DPP6: variants seen among roughly 807,000 people sequenced by gnomAD.
DPP6 encodes dipeptidyl peptidase like 6.
DPP6 carries 69 observed loss-of-function variants against 122.6 expected under a neutral mutation model. That is an observed-to-expected ratio of 0.56 (90% CI 0.46 to 0.69). The LOEUF is 0.69. Ranked by LOEUF, DPP6 falls within the 30% of genes least tolerant of loss-of-function variation. DPP6 has a pLI of 0.00. For missense variants in DPP6, 928 were observed against 1,116.9 expected (o/e 0.83, Z 2.41); for synonymous variants, 418 against 433.1 (o/e 0.97, Z 0.43).
At chr7:154,720,273 G>T (rs1314564136) in intron 7 of DPP6, among the ~76,000 whole-genome samples, 1 of 152,208 alleles carries the variant, frequency 6.6e-6, no homozygotes, top group Non-Finnish European at 1.5e-5. Flanking sequence ...TCCAGGCAGG[G>T]CGCCAGGGCA....
At chr7:154,046,921 T>C (rs1399603153) in intron 1 of DPP6, among the ~76,000 whole-genome samples, 2 of 152,122 alleles carry the variant, frequency 1.3e-5, no homozygotes, top group Non-Finnish European at 2.9e-5. Context: ...AGTTTTCCAC[T>C]CTCTGTAACT....
intron 1 of DPP6, among the ~76,000 whole-genome samples, chr7:154,274,798 A>G (rs1804020442): frequency 6.6e-6 from 1 of 152,236 alleles, no homozygotes; most frequent in Non-Finnish European, 1.5e-5. Context: ...TTTTAGACCT[A>G]GCAAGTTCTG....
chr7:154,166,075 A>G (rs148449622), intron 1 of DPP6, among the ~76,000 whole-genome samples: 11,267 of 152,220 alleles, frequency 0.074, 429 homozygotes, highest in African/African-American at 0.085. Context: ...ATATTCTTCA[A>G]TAGTTTAAAG....
intron 1 of DPP6, among the ~76,000 whole-genome samples, chr7:154,197,261 G>A (rs1163711846): frequency 2.6e-5 from 4 of 151,748 alleles, no homozygotes; most frequent in Admixed American, 1.3e-4. Flanking sequence ...TAAATACAGA[G>A]AGTGATGATT....
intron 16 of DPP6, among the ~76,000 whole-genome samples, chr7:154,841,347 C>G (rs1801525857): frequency 6.9e-6 from 1 of 145,386 alleles, no homozygotes; most frequent in Non-Finnish European, 1.5e-5. Context: ...GTAGCCTTTG[C>G]CCCCCTGTAG....
intron 8 of DPP6, among the ~76,000 whole-genome samples, chr7:154,756,661 C>T (rs974777910): frequency 3.3e-5 from 5 of 152,120 alleles, no homozygotes; most frequent in Admixed American, 2.0e-4. Context: ...GTGTTCCCAC[C>T]ACTTCCTAAT....
chr7:153,770,794 T>C, the DPP6 span, among the ~76,000 whole-genome samples: 1 of 152,134 alleles, frequency 6.6e-6, no homozygotes, highest in Non-Finnish European at 1.5e-5. Context: ...CAGGAATCAA[T>C]GGAAATGCTA....
intron 8 of DPP6, among the ~76,000 whole-genome samples, chr7:154,728,500 A>T (rs1842179526): frequency 6.6e-6 from 1 of 152,208 alleles, no homozygotes; most frequent in Non-Finnish European, 1.5e-5. Context: ...ACCTGTCTCC[A>T]TGCTCATGAC....
intron 1 of DPP6, among the ~76,000 whole-genome samples, chr7:153,891,610 T>C (rs1020620352): frequency 2.0e-5 from 3 of 152,212 alleles, no homozygotes; most frequent in African/African-American, 7.2e-5. Flanking sequence ...GTATATACTC[T>C]TGCAATAGGT....
In DPP6 at chr7:153,920,563, C is replaced by CTTTTTT. The variant is rs61553100; in HGVS notation, c.51+32841_51+32846dup. 1.3e-3 allele frequency among the ~76,000 whole-genome samples: 113 copies of CTTTTTT among 88,674 alleles called. 10 individuals carry two copies. The highest frequency in any genetic ancestry group is 3.3e-3 in the East Asian group (10 of 2,992). The allele number at this position is 88,674 out of a possible 152,430, so 58.2% of individuals were successfully genotyped here. A position where few individuals can be genotyped will look rare whatever the true frequency, so the allele number is the denominator to read the frequency against. On this transcript the variant is annotated intron_variant, in intron 1 of 25. Coordinates refer to the DPP6 transcript ENST00000404039. ...GTCAACCTTTTTCTTTTATCTCTCTCTTTTTTTTTTTTTTTTTGAGATGGA... is the reference window on the plus strand; with the variant it reads ...GTCAACCTTTTTCTTTTATCTCTCTCTTTTTTTTTTTTTTTTTTTTTTTGAGATGGA...
At chr7:154,447,310 A>G (rs1306118300) in intron 2 of DPP6, among the ~76,000 whole-genome samples, 1 of 152,176 alleles carries the variant, frequency 6.6e-6, no homozygotes, top group African/African-American at 2.4e-5. Flanking sequence ...CAACTAAAAA[A>G]TAATAATGAT....
At position 154,103,492 on chromosome 7, in the gene DPP6, CT is replaced by C. The variant is rs1213180218; in HGVS notation, c.243+50430del. On this transcript the variant is annotated intron_variant, in intron 1 of 25. Coordinates refer to ENST00000377770, the MANE Select transcript of DPP6 (RefSeq NM_130797.4). Reference sequence around the variant, plus strand: ...CAGGGCACCACTGGCCAGCTCCCCCCTCTCCAATTTTTCTTCTGTTGCCGTG... The same window carrying C: ...CAGGGCACCACTGGCCAGCTCCCCCCCTCCAATTTTTCTTCTGTTGCCGTG... Among the ~76,000 whole-genome samples the C allele has an allele frequency of 2.6e-5, 4 of 152,196 alleles. No individual in the cohort carries two copies. The South Asian group carries it at 6.2e-4, about 24-fold the overall frequency.
chr7:154,839,144 G>A (rs1801316049), intron 16 of DPP6, among the ~76,000 whole-genome samples: 1 of 152,220 alleles, frequency 6.6e-6, no homozygotes, highest in Non-Finnish European at 1.5e-5. Flanking sequence ...ACCTACTGAA[G>A]GGTTAGGAGG....
At chr7:154,725,122 C>T (rs1018585031) in intron 7 of DPP6, among the ~76,000 whole-genome samples, 2 of 152,076 alleles carry the variant, frequency 1.3e-5, no homozygotes, top group African/African-American at 4.8e-5. Flanking sequence ...TTGGAGTTCT[C>T]GCCTATTTAC....
chr7:153,902,834 CA>C (rs375475586), intron 1 of DPP6, among the ~76,000 whole-genome samples: 293 of 143,230 alleles, frequency 2.0e-3, no homozygotes, highest in African/African-American at 7.0e-3. Flanking sequence ...GAAACCCCGT[CA>C]AAAAAAAAAG....
At chr7:154,450,601 C>T (rs1820276273) in intron 2 of DPP6, among the ~76,000 whole-genome samples, 1 of 152,160 alleles carries the variant, frequency 6.6e-6, no homozygotes, top group Admixed American at 6.5e-5. Context: ...CCTGCGTGAG[C>T]GAGCTTCGTG....
chr7:154,014,705 G>C (rs1293318684), intron 1 of DPP6, among the ~76,000 whole-genome samples: 1 of 151,990 alleles, frequency 6.6e-6, no homozygotes, highest in African/African-American at 2.4e-5. Context: ...TCATGGGCTA[G>C]CTACTCTGCT....
chr7:154,889,850 G>GGGT, intron 25 of DPP6: 1 of 362,416 alleles, frequency 2.8e-6, no homozygotes, highest in Non-Finnish European at 5.0e-6. Flanking sequence ...CCAGCAGTGT[G>GGGT]GCTGGGGCTA....
At chr7:154,262,059 T>C (rs1803058561) in intron 1 of DPP6, among the ~76,000 whole-genome samples, 1 of 151,746 alleles carries the variant, frequency 6.6e-6, no homozygotes, top group South Asian at 2.1e-4. Flanking sequence ...AGAAGAGAGC[T>C]GGATTCAGTG....
Sources: gnomAD v4.1 joint callset for allele counts (sites outside exome capture counted in the v4.1 genomes callset) on GRCh38, gnomAD v4.1.1 for gene constraint, MANE v1.5 for transcripts, NCBI Gene and HGNC (gene_info 2026-07-23, HGNC 2026-07-21) for gene names.